Variants in GALNT13 observed in about 807,000 individuals in gnomAD.
The protein encoded by GALNT13 is UDP-GalNAc:polypeptide N-acetylgalactosaminyltransferase 13.
A neutral mutation model predicts 64.2 loss-of-function variants in GALNT13; 28 were observed. The ratio of observed to expected loss-of-function variants is 0.44; its 90% confidence interval spans 0.32 to 0.60. GALNT13 has a LOEUF of 0.60. Ranked by LOEUF, GALNT13 falls within the 20% of genes least tolerant of loss-of-function variation. The pLI is 0.05. For synonymous variants in GALNT13, 214 were observed against 224.6 expected (o/e 0.95, Z 0.42); for missense variants, 577 against 669.8 (o/e 0.86, Z 1.53).
the GALNT13 span, among the ~76,000 whole-genome samples, chr2:153,581,161 TG>T: frequency 6.6e-6 from 1 of 152,122 alleles, no homozygotes; most frequent in East Asian, 1.9e-4. Flanking sequence ...TGAGTTGCCC[TG>T]TAAGTGATTA....
At chr2:153,734,068 A>G in the GALNT13 span, among the ~76,000 whole-genome samples, 1 of 152,136 alleles carries the variant, frequency 6.6e-6, no homozygotes, top group Admixed American at 6.6e-5. Flanking sequence ...TGGTGAAATC[A>G]TCATGTCAGG....
chr2:153,347,894 G>A, the GALNT13 span, among the ~76,000 whole-genome samples: 2 of 152,170 alleles, frequency 1.3e-5, no homozygotes, highest in African/African-American at 4.8e-5. Context: ...TGTAAAATGA[G>A]TAGTGTTAAT....
intron 11 of GALNT13, chr2:154,437,676 G>A (rs1391460844): frequency 2.1e-6 from 1 of 467,648 alleles, no homozygotes; most frequent in Admixed American, 2.4e-5. Flanking sequence ...CCAACATAGT[G>A]AAACCCCGTC....
At chr2:153,204,404 T>G in the GALNT13 span, among the ~76,000 whole-genome samples, 2 of 152,216 alleles carry the variant, frequency 1.3e-5, no homozygotes, top group African/African-American at 4.8e-5. Flanking sequence ...GGGCACCAAA[T>G]GGGCCTTGTA....
intron 4 of GALNT13, among the ~76,000 whole-genome samples, chr2:154,187,786 G>A (rs540024717): frequency 5.3e-5 from 8 of 151,964 alleles, no homozygotes; most frequent in African/African-American, 1.9e-4. Context: ...TATTAAAATG[G>A]CATTTTTTAA....
the GALNT13 span, among the ~76,000 whole-genome samples, chr2:153,248,297 G>T: frequency 6.6e-6 from 1 of 152,094 alleles, no homozygotes; most frequent in South Asian, 2.1e-4. Context: ...GATGAAAATC[G>T]ATGTGAAAAT....
At chr2:153,390,504 A>G in the GALNT13 span, among the ~76,000 whole-genome samples, 1 of 152,122 alleles carries the variant, frequency 6.6e-6, no homozygotes, top group African/African-American at 2.4e-5. Flanking sequence ...TGGAAATGAT[A>G]AAGATCCATC....
the GALNT13 span, among the ~76,000 whole-genome samples, chr2:153,282,171 A>G: frequency 2.0e-5 from 3 of 152,000 alleles, no homozygotes; most frequent in Non-Finnish European, 4.4e-5. Context: ...GGTTCAGTCT[A>G]TTGATAAAGG....
the GALNT13 span, among the ~76,000 whole-genome samples, chr2:153,622,696 A>C: frequency 8.6e-3 from 1,308 of 152,304 alleles, 14 homozygotes; most frequent in Non-Finnish European, 0.012. Context: ...AATTGTACAC[A>C]ATTTTAAAAA....
chr2:154,052,211 G>T (rs1396003673), intron 3 of GALNT13, among the ~76,000 whole-genome samples: 1 of 152,118 alleles, frequency 6.6e-6, no homozygotes, highest in Non-Finnish European at 1.5e-5. Context: ...TATTGTGCCT[G>T]TCCTACAGTA....
At chr2:153,971,334 TTA>T (rs1178737745) in intron 3 of GALNT13, among the ~76,000 whole-genome samples, 1 of 152,138 alleles carries the variant, frequency 6.6e-6, no homozygotes, top group Non-Finnish European at 1.5e-5. Context: ...GCATGACATA[TTA>T]TGTTTTACTT....
the GALNT13 span, among the ~76,000 whole-genome samples, chr2:153,389,162 A>C: frequency 6.6e-6 from 1 of 152,008 alleles, no homozygotes; most frequent in Admixed American, 6.6e-5. Flanking sequence ...TCCACATAAA[A>C]CTGACTGAGG....
intron 3 of GALNT13, among the ~76,000 whole-genome samples, chr2:153,998,286 C>A (rs1216581086): frequency 6.6e-6 from 1 of 152,052 alleles, no homozygotes; most frequent in East Asian, 1.9e-4. Flanking sequence ...CCTATTTCTC[C>A]ACATCCTTTC....
the GALNT13 span, among the ~76,000 whole-genome samples, chr2:153,288,771 GA>G: frequency 1.3e-5 from 2 of 152,216 alleles, no homozygotes; most frequent in Admixed American, 6.5e-5. Flanking sequence ...TGCATGTATA[GA>G]AAAAAACTTA....
At position 154,409,028 on chromosome 2, in the gene GALNT13, C is replaced by T; in HGVS notation, c.1341C>T (p.Arg447=). The T allele has an allele frequency of 6.2e-7, 1 of 1,611,378 alleles. No individual in the cohort carries two copies. Among genetic ancestry groups the T allele is most frequent in the Non-Finnish European group, 8.5e-7 (1 of 1,178,218 alleles). The change falls in exon 11 of 13, where the codon CGC becomes CGT. Residue 447 remains arginine, a synonymous_variant. Coordinates refer to ENST00000392825, the MANE Select transcript of GALNT13 (RefSeq NM_052917.4). ...ETNQCLDNMG[R]KENEKVGIFN... is the part of the protein sequence containing the mutation. ...ATCAGTGTTTAGACAACATGGGCCG[C>T]AAGGAAAATGAAAAAGTGGGTATAT...
chr2:154,173,511 G>A (rs1685481249), intron 4 of GALNT13, among the ~76,000 whole-genome samples: 1 of 151,904 alleles, frequency 6.6e-6, no homozygotes, highest in South Asian at 2.1e-4. Context: ...TTCTGTGTAA[G>A]ACTTTGGAAG....
chr2:153,884,909 C>T (rs1039235404), intron 1 of GALNT13, among the ~76,000 whole-genome samples: 1 of 147,262 alleles, frequency 6.8e-6, no homozygotes, highest in Non-Finnish European at 1.5e-5. Flanking sequence ...CGTCGTGGCA[C>T]GCACTTCTAG....
At chr2:153,626,226 A>C in the GALNT13 span, among the ~76,000 whole-genome samples, 7 of 152,102 alleles carry the variant, frequency 4.6e-5, no homozygotes, top group African/African-American at 1.7e-4. Flanking sequence ...AGTACACATA[A>C]GGTGAAAGGT....
chr2:153,906,672 T>A (rs1688586561), intron 2 of GALNT13, among the ~76,000 whole-genome samples: 1 of 151,870 alleles, frequency 6.6e-6, no homozygotes, highest in Admixed American at 6.6e-5. Flanking sequence ...TGGTTCCAAG[T>A]CTTTGCTATT....
Sources: allele counts gnomAD v4.1 joint callset (sites outside exome capture counted in the v4.1 genomes callset), GRCh38; gene constraint gnomAD v4.1.1; transcripts MANE v1.5; gene names NCBI Gene and HGNC (gene_info 2026-07-23, HGNC 2026-07-21).